The following MARK2 variants were observed in gnomAD, a reference collection of about 807,000 sequenced individuals.
MARK2 encodes the protein microtubule affinity regulating kinase 2.
In MARK2, 16 loss-of-function variants were observed where a neutral mutation model predicts 89.8. That is an observed-to-expected ratio of 0.18 (90% CI 0.12 to 0.27). The LOEUF (loss-of-function observed/expected upper bound fraction) is 0.27. Among genes scored for constraint, MARK2 ranks in the 10% least tolerant of loss-of-function variants. The pLI is 1.00. For missense variants in MARK2, 621 were observed against 1,049.9 expected (o/e 0.59, Z 5.65); for synonymous variants, 382 against 399.5 (o/e 0.96, Z 0.52).
chr11:63,881,527 T>A (rs979136125), intron 1 of MARK2, among the ~76,000 whole-genome samples: 3 of 152,182 alleles, frequency 2.0e-5, no homozygotes, highest in Non-Finnish European at 4.4e-5. Flanking sequence ...TCTTGTTCCC[T>A]AAGTATTGTA....
chr11:63,870,513 C>T (rs1938385867), intron 1 of MARK2, among the ~76,000 whole-genome samples: 2 of 152,100 alleles, frequency 1.3e-5, no homozygotes, highest in South Asian at 2.1e-4. Context: ...CGAGACTTCC[C>T]GTGGTGAGTT....
At chr11:63,868,913 A>G in intron 1 of MARK2, 2 of 455,800 alleles carry the variant, frequency 4.4e-6, no homozygotes, top group Non-Finnish European at 8.8e-6. Context: ...GATGATGGTG[A>G]GGACCCAGAT....
Position 63,839,450 on chromosome 11 carries a change from T to TTCCCTTCCC in MARK2, c.-48_-40dup, listed in dbSNP as rs1450200913. On this transcript the variant is annotated 5_prime_UTR_variant, in exon 1 of 19. Transcript: ENST00000402010. ...GCCCCGCCCGGCCGGGCTCCGCGCC[T>TTCCCTTCCC]TCCCTTCCCTCCCTTCCTCCAAGCT... is the stretch of plus-strand genomic sequence containing the variant. The TTCCCTTCCC allele has an allele frequency of 8.8e-7, 1 of 1,142,854 alleles. No individual in the cohort carries two copies. Among genetic ancestry groups the TTCCCTTCCC allele is most frequent in the Non-Finnish European group, 1.3e-6 (1 of 792,152 alleles). 70.8% of individuals were successfully genotyped at this position (1,142,854 alleles called of 1,614,324 possible).
At chr11:63,880,197 T>C (rs1263237217) in intron 1 of MARK2, 1 of 150,860 alleles carries the variant, frequency 6.6e-6, no homozygotes, top group Admixed American at 6.6e-5. Flanking sequence ...CAGGAGAAGA[T>C]GGGAGATTCT....
At chr11:63,871,422 G>T (rs2135264755) in intron 1 of MARK2, among the ~76,000 whole-genome samples, 1 of 151,750 alleles carries the variant, frequency 6.6e-6, no homozygotes, top group East Asian at 2.0e-4. Context: ...TGCAGGTGTG[G>T]CTGAAGAGTA....
At chr11:63,898,949 A>C in intron 6 of MARK2, 103 bp from the exon 7 acceptor site, 1 of 1,228,066 alleles carries the variant, frequency 8.1e-7, no homozygotes, top group Non-Finnish European at 1.2e-6. Context: ...GGCTCTGCTT[A>C]TCCGTGTGGC....
Position 63,902,747 on chromosome 11 carries a change from C to G in MARK2, c.1381C>G (p.Leu461Val). 1 of 1,613,638 alleles carries G rather than the reference C, an allele frequency of 6.2e-7. No homozygotes were observed. Among genetic ancestry groups the G allele is most frequent in the African/African-American group, 1.3e-5 (1 of 75,018 alleles). The change falls in exon 13 of 19, where the codon CTG becomes GTG. Residue 461 changes from leucine to valine, a missense_variant. Leu to Val is a conservative substitution (Grantham distance 32, BLOSUM62 1). Coordinates refer to ENST00000402010, the MANE Select transcript of MARK2 (RefSeq NM_001039469.3). This position sits in a 1 kb window ranked among gnomAD's most constrained non-coding sequence, Gnocchi z 4.2. ...GGTGCCTGCCAGCCCCCTGCCCGGT[C>G]TGGAGAGGAAGAAGACCACCCCAAC... is the stretch of plus-strand genomic sequence containing the variant. ...AKVPASPLPG[L>V]ERKKTTPTPS...
At position 63,903,315 on chromosome 11, in the gene MARK2, A is replaced by C; in HGVS notation, c.1514+157A>C. The C allele has an allele frequency of 1.6e-6, 1 of 627,010 alleles. No individual in the cohort carries two copies. Among genetic ancestry groups the C allele is most frequent in the East Asian group, 2.8e-5 (1 of 36,056 alleles). 38.8% of individuals were successfully genotyped at this position (627,010 alleles called of 1,614,324 possible). A position where few individuals can be genotyped will look rare whatever the true frequency, so the allele number is the denominator to read the frequency against. On this transcript the variant is annotated intron_variant, in intron 14 of 18. Coordinates refer to ENST00000402010, the MANE Select transcript of MARK2 (RefSeq NM_001039469.3). This position sits in a 1 kb window ranked among gnomAD's most constrained non-coding sequence, Gnocchi z 5.1. The stretch of plus-strand genomic sequence containing the variant: ...GTCCAGTCCAGCTTTCCCCTCCCCT[A>C]TTCCACGCCATTGCCTCCTCCCCAT...
In MARK2 at chr11:63,895,726, AT is replaced by A. The variant is rs1259398297; in HGVS notation, c.288+94del. The A allele has an allele frequency of 1.2e-5, 14 of 1,137,290 alleles. No homozygotes were observed. In the Admixed American group the frequency reaches 2.4e-4, roughly 19 times the overall value. 70.4% of individuals were successfully genotyped at this position (1,137,290 alleles called of 1,614,324 possible). A position where few individuals can be genotyped will look rare whatever the true frequency, so the allele number is the denominator to read the frequency against. On this transcript the variant is annotated intron_variant, in intron 3 of 18. Transcript: ENST00000402010. ...CTCTTGTCGCCCAGGCTGGAGTGCA[AT>A]GGTGTGATCTCGGCTCACTGCAACC...
intron 1 of MARK2, among the ~76,000 whole-genome samples, chr11:63,891,924 C>G (rs1393360628): frequency 2.0e-5 from 3 of 152,158 alleles, no homozygotes; most frequent in Non-Finnish European, 4.4e-5. Flanking sequence ...CCAGCAGGGC[C>G]TAGAAATGCC....
At chr11:63,882,963 TACCCCCACC>T (rs1939185280) in intron 1 of MARK2, among the ~76,000 whole-genome samples, 1 of 152,202 alleles carries the variant, frequency 6.6e-6, no homozygotes, top group African/African-American at 2.4e-5. Context: ...TCCTTCTGCC[TACCCCCACC>T]ACCCCCATCC....
intron 17 of MARK2, among the ~76,000 whole-genome samples, chr11:63,906,358 C>T (rs1027566856): frequency 2.0e-5 from 3 of 152,214 alleles, no homozygotes; most frequent in Non-Finnish European, 4.4e-5. Flanking sequence ...CATTGGCCCA[C>T]TCAGGGCAAA....
chr11:63,896,130 A>G (rs1940380324), intron 3 of MARK2, among the ~76,000 whole-genome samples: 1 of 152,104 alleles, frequency 6.6e-6, no homozygotes, highest in African/African-American at 2.4e-5. Flanking sequence ...TGGTTGGATC[A>G]TCTGTGGTGA....
chr11:63,888,840 G>A (rs989978041), intron 1 of MARK2: 73 of 1,300,726 alleles, frequency 5.6e-5, no homozygotes, highest in South Asian at 9.7e-5. Flanking sequence ...TGGCTGAGCC[G>A]GCAGCCCCCG....
chr11:63,890,163 A>G, intron 1 of MARK2: 2 of 1,151,748 alleles, frequency 1.7e-6, no homozygotes, highest in Non-Finnish European at 2.3e-6. Context: ...CCCAAGAAGC[A>G]TTTCTGTTGG....
Position 63,903,179 on chromosome 11 carries a change from C to G in MARK2, c.1514+21C>G. The G allele has an allele frequency of 1.9e-6, 3 of 1,569,016 alleles. No homozygotes were observed. Among genetic ancestry groups the G allele is most frequent in the Non-Finnish European group, 1.8e-6 (2 of 1,141,702 alleles). On this transcript the variant is annotated intron_variant, in intron 14 of 18. Transcript: ENST00000402010. This position sits in a 1 kb window ranked among gnomAD's most constrained non-coding sequence, Gnocchi z 5.1. ...GACAGGTGAGAGACCCGGGCCCTGC[C>G]TGCCTCACTCCCTAGGAGCCATGTC...
At chr11:63,908,657 C>G (rs1221784744) in intron 18 of MARK2, among the ~76,000 whole-genome samples, 1 of 152,158 alleles carries the variant, frequency 6.6e-6, no homozygotes, top group Non-Finnish European at 1.5e-5. Context: ...CCTGACCCCA[C>G]CCCGCCTACC....
Position 63,906,131 on chromosome 11 carries a change from CTGTGTGTGTGTGTG to C in MARK2, c.1961+29_1961+42del. 8.4e-7 allele frequency: 1 copy of C among 1,186,056 alleles called. No individual in the cohort carries two copies. The highest frequency in any genetic ancestry group is 1.1e-6 in the Non-Finnish European group (1 of 935,280). The allele number at this position is 1,186,056 out of a possible 1,614,324, so 73.5% of individuals were successfully genotyped here. A position where few individuals can be genotyped will look rare whatever the true frequency, so the allele number is the denominator to read the frequency against. On this transcript the variant is annotated intron_variant, in intron 17 of 18. Transcript: ENST00000402010. ...TGCCAGAAGGTAGGCGTTGAGCCCG[CTGTGTGTGTGTGTG>C]TGTGTGTGTGTCTGTGTCCTGTGTC...
intron 1 of MARK2, among the ~76,000 whole-genome samples, chr11:63,877,166 G>A (rs1253877601): frequency 7.0e-6 from 1 of 141,950 alleles, no homozygotes; most frequent in Non-Finnish European, 1.5e-5. Context: ...CTGGAGTGCA[G>A]TGGCATGATT....
Sources: gnomAD v4.1 joint callset for allele counts (sites outside exome capture counted in the v4.1 genomes callset) on GRCh38, gnomAD v4.1.1 for gene constraint, Gnocchi (gnomAD v3.1) non-coding constraint, MANE v1.5 for transcripts, NCBI Gene and HGNC (gene_info 2026-07-23, HGNC 2026-07-21) for gene names.